The following KLK8 variants were observed in gnomAD, a reference collection of about 807,000 sequenced individuals.
The protein encoded by KLK8 is kallikrein related peptidase 8, also known as kallikrein-8.
Under a neutral mutation model 26.7 loss-of-function variants are expected in KLK8, and 18 were observed. The observed-to-expected ratio is 0.67, with a 90% CI of 0.47 to 1.00. The LOEUF is 1.00. Among genes scored for constraint, KLK8 ranks in the 50% least tolerant of loss-of-function variants. The pLI, the probability that KLK8 is intolerant of heterozygous loss-of-function variation, is 0.00. For missense variants in KLK8, 301 were observed against 331.7 expected (o/e 0.91, Z 0.72); for synonymous variants, 137 against 127.1 (o/e 1.08, Z -0.52).
exon 7 of KLK8, chr19:50,996,102 C>A: frequency 1.2e-6 from 2 of 1,614,188 alleles, no homozygotes; most frequent in Non-Finnish European, 1.7e-6. Context: ...GTCCAGGTAG[C>A]GGCAGATGTT....
At position 50,999,583 on chromosome 19, in the gene KLK8, C is replaced by CA. The variant is rs56988162; in HGVS notation, c.493+412dup. ...GATTGAGTGAAACTGTGTCCCCCTG[C>CA]AAAAAAAAAAAAAAAAAAAAAAAAA... On this transcript the variant is annotated intron_variant, in intron 5 of 6. Coordinates refer to ENST00000600767, the Ensembl canonical transcript of KLK8. Among the ~76,000 whole-genome samples the CA allele has an allele frequency of 9.8e-3, 298 of 30,278 alleles. 104 individuals are homozygous for CA. The highest frequency in any genetic ancestry group is 0.03 in the East Asian group (10 of 334). 19.9% of individuals were successfully genotyped at this position (30,278 alleles called of 152,430 possible). A position where few individuals can be genotyped will look rare whatever the true frequency, so the allele number is the denominator to read the frequency against.
chr19:50,996,290 A>G (rs1172654702), intron 6 of KLK8, 76 bp from the exon 6 acceptor site: 10 of 1,531,476 alleles, frequency 6.5e-6, no homozygotes, highest in Non-Finnish European at 1.8e-6. Context: ...CCAGCGTTTT[A>G]CCAGTTCTTT....
intron 5 of KLK8, among the ~76,000 whole-genome samples, chr19:50,998,418 C>G (rs1457460890): frequency 5.3e-5 from 8 of 152,166 alleles, no homozygotes; most frequent in Admixed American, 5.2e-4. Context: ...TTTCTCCCAC[C>G]TAGCTTGCAA....
At position 51,000,661 on chromosome 19, in the gene KLK8, T is replaced by C. The variant is rs754891833; in HGVS notation, c.71-78A>G. 3.2e-6 allele frequency: 5 copies of C among 1,586,184 alleles called. No homozygotes were observed. In the African/African-American group the frequency reaches 6.7e-5, roughly 21 times the overall value. ...CTGGGAAGGCCACTGTGGGTTCAAA[T>C]GGACACACGGCAAGTTCTCCGCATA... On this transcript the variant is annotated intron_variant, in intron 3 of 6. Coordinates refer to ENST00000600767, the Ensembl canonical transcript of KLK8.
intron 2 of KLK8, 51 bp from the exon 2 acceptor site, chr19:51,001,226 T>C: frequency 6.5e-7 from 1 of 1,533,866 alleles, no homozygotes; most frequent in Non-Finnish European, 8.9e-7. Context: ...GAGCCTGAGC[T>C]CCCAGTTCTG....
At chr19:51,001,302 G>C (rs1454213672) in intron 2 of KLK8, 127 bp from the exon 2 acceptor site, 2 of 725,578 alleles carry the variant, frequency 2.8e-6, no homozygotes, top group Admixed American at 2.3e-5. Flanking sequence ...GGAGGAAGGA[G>C]GAGGCTGGGG....
rs1010005051 is a variant in KLK8 at position 51,001,092 on chromosome 19, C to T, written c.70+6G>A. ...CCCCTCCGGAGGCCTCCGCAACCCT[C>T]CTCACCTGCCCAGGCTCCCCCCAGC... On this transcript the variant is annotated splice_donor_region_variant and intron_variant, in intron 3 of 6. Transcript: ENST00000600767. 14 of 1,610,360 alleles carry T rather than the reference C, an allele frequency of 8.7e-6. No homozygotes were observed. Among genetic ancestry groups the T allele is most frequent in the Non-Finnish European group, 1.1e-5 (13 of 1,178,874 alleles).
exon 6 of KLK8, chr19:50,997,815 T>A (rs755842092): frequency 2.5e-5 from 41 of 1,614,008 alleles, no homozygotes; most frequent in Non-Finnish European, 3.2e-5. Flanking sequence ...CTGCCCCGGG[T>A]AAGCATCCTC....
intron 5 of KLK8, among the ~76,000 whole-genome samples, chr19:50,999,407 C>T (rs1290818034): frequency 6.6e-6 from 1 of 151,346 alleles, no homozygotes; most frequent in Non-Finnish European, 1.5e-5. Flanking sequence ...TGGCGAAACC[C>T]TGTCTCTACA....
intron 6 of KLK8, among the ~76,000 whole-genome samples, chr19:50,997,430 A>C (rs995696565): frequency 6.6e-6 from 1 of 152,136 alleles, no homozygotes; most frequent in African/African-American, 2.4e-5. Context: ...CAACTCGTCT[A>C]AACTCTAGCC....
chr19:50,997,489 A>C (rs1395190099), intron 6 of KLK8, among the ~76,000 whole-genome samples: 1 of 151,922 alleles, frequency 6.6e-6, no homozygotes, highest in East Asian at 1.9e-4. Flanking sequence ...ATAGCCCCCA[A>C]CTCTGCATCC....
In KLK8 at chr19:50,999,989, C is replaced by A; in HGVS notation, c.493+7G>T. 3 of 1,584,670 alleles carry A rather than the reference C, an allele frequency of 1.9e-6. No individual in the cohort carries two copies. The South Asian group carries it at 3.4e-5, about 18-fold the overall frequency. On this transcript the variant is annotated splice_region_variant and intron_variant, in intron 5 of 6. Coordinates refer to ENST00000600767, the Ensembl canonical transcript of KLK8. ...CTCTCCCTCCCATTAGTGGACAAGCCCACTACCTCGGGGACTGGTGACAGT... is the reference window on the plus strand; with the variant it reads ...CTCTCCCTCCCATTAGTGGACAAGCACACTACCTCGGGGACTGGTGACAGT...
Position 51,000,264 on chromosome 19 carries a change from A to G in KLK8, c.231-6T>C, listed in dbSNP as rs769512103. On this transcript the variant is annotated splice_region_variant and splice_polypyrimidine_tract_variant and intron_variant, in intron 4 of 6. Transcript: ENST00000600767. Reference sequence around the variant, plus strand: ...CCAGGCGTACTGTGTATTTCCTGTAATGGTGGGGATAGTTTGGGACCCAGG... The same window carrying G: ...CCAGGCGTACTGTGTATTTCCTGTAGTGGTGGGGATAGTTTGGGACCCAGG... The G allele has an allele frequency of 3.2e-6, 5 of 1,572,074 alleles. No individual in the cohort carries two copies. In the Admixed American group the frequency reaches 8.6e-5, roughly 27 times the overall value.
intron 4 of KLK8, 77 bp from the exon 4 acceptor site, chr19:51,000,335 CA>C (rs1694376906): frequency 1.0e-5 from 16 of 1,541,906 alleles, no homozygotes; most frequent in African/African-American, 1.4e-5. Context: ...CCCAGGAGTC[CA>C]GTCCTCAGCT....
chr19:50,996,293 A>C, intron 6 of KLK8, 79 bp from the exon 6 acceptor site: 1 of 1,514,686 alleles, frequency 6.6e-7, no homozygotes, highest in South Asian at 1.2e-5. Flanking sequence ...GCGTTTTACC[A>C]GTTCTTTGGC....
At chr19:50,998,077 C>T (rs1369943596) in intron 5 of KLK8, 193 bp from the exon 5 acceptor site, 4 of 615,648 alleles carry the variant, frequency 6.5e-6, no homozygotes, top group Non-Finnish European at 8.2e-6. Flanking sequence ...TGCTATTGGG[C>T]TTTCTCCATC....
chr19:51,001,068 C>T (rs749028452), intron 3 of KLK8, 30 bp downstream of exon 2: 1 of 1,592,950 alleles, frequency 6.3e-7, no homozygotes, highest in South Asian at 1.1e-5. Flanking sequence ...CAGATCCCTC[C>T]CCTCCGGAGG....
At chr19:50,997,974 T>C (rs2122317895) in intron 5 of KLK8, 90 bp from the exon 5 acceptor site, 2 of 1,528,418 alleles carry the variant, frequency 1.3e-6, no homozygotes, top group East Asian at 4.5e-5. Context: ...TTCCAGGATG[T>C]AATGGGGGAG....
chr19:51,000,271 G>A lies in KLK8; in HGVS notation c.231-13C>T. On this transcript the variant is annotated splice_polypyrimidine_tract_variant and intron_variant, in intron 4 of 6. Transcript: ENST00000600767. Reference sequence around the variant, plus strand: ...TACTGTGTATTTCCTGTAATGGTGGGGATAGTTTGGGACCCAGGCAGGGGT... The same window carrying A: ...TACTGTGTATTTCCTGTAATGGTGGAGATAGTTTGGGACCCAGGCAGGGGT... The A allele has an allele frequency of 1.9e-6, 3 of 1,562,608 alleles. No homozygotes were observed. The highest frequency in any genetic ancestry group is 1.2e-5 in the South Asian group (1 of 83,468).
Sources: allele counts gnomAD v4.1 joint callset (sites outside exome capture counted in the v4.1 genomes callset), GRCh38; gene constraint gnomAD v4.1.1; transcripts MANE v1.5; gene names NCBI Gene and HGNC (gene_info 2026-07-23, HGNC 2026-07-21).